The following TRPC7 variants were observed in gnomAD, a reference collection of about 807,000 sequenced individuals.
TRPC7 encodes short transient receptor potential channel 7.
A neutral mutation model predicts 90.1 loss-of-function variants in TRPC7; 42 were observed. The ratio of observed to expected loss-of-function variants is 0.47; its 90% confidence interval spans 0.36 to 0.60. TRPC7 has a LOEUF of 0.60. Among genes scored for constraint, TRPC7 ranks in the 20% least tolerant of loss-of-function variants. The pLI, the probability that TRPC7 is intolerant of heterozygous loss-of-function variation, is 0.00. For missense variants in TRPC7, 955 were observed against 1,112.3 expected, an observed-to-expected ratio of 0.86 and a Z score of 2.01; for synonymous variants, 451 against 436.3, an observed-to-expected ratio of 1.03 and a Z score of -0.42.
intron 11 of TRPC7, chr5:136,214,084 C>T (rs991988206): frequency 9.6e-5 from 15 of 156,160 alleles, no homozygotes; most frequent in Non-Finnish European, 2.1e-4. Flanking sequence ...ACAGCAGATG[C>T]AGCCGTGGTG....
chr5:136,355,741 T>G (rs1760348798), intron 2 of TRPC7, among the ~76,000 whole-genome samples: 1 of 152,128 alleles, frequency 6.6e-6, no homozygotes, highest in Non-Finnish European at 1.5e-5. Flanking sequence ...GAGCTTGCAG[T>G]GAGCCAAGAT....
At chr5:136,315,823 C>G (rs1421265237) in intron 2 of TRPC7, 44 bp from the exon 3 acceptor site, 2 of 1,582,206 alleles carry the variant, frequency 1.3e-6, no homozygotes, top group South Asian at 2.3e-5. Context: ...CATGGAGGCC[C>G]GCAGATTGGC....
intron 2 of TRPC7, among the ~76,000 whole-genome samples, chr5:136,352,898 T>C (rs1431236772): frequency 6.6e-6 from 1 of 152,190 alleles, no homozygotes; most frequent in Non-Finnish European, 1.5e-5. Context: ...ACTATATCCA[T>C]CAAACGCCGC....
intron 2 of TRPC7, among the ~76,000 whole-genome samples, chr5:136,352,556 G>T (rs1015016404): frequency 6.6e-6 from 1 of 152,074 alleles, no homozygotes; most frequent in Admixed American, 6.6e-5. Context: ...TTACCCAACT[G>T]AGGTAGACAA....
intron 1 of TRPC7, 62 bp from the exon 2 acceptor site, chr5:136,357,447 CA>C: frequency 6.7e-7 from 1 of 1,483,646 alleles, no homozygotes; most frequent in Non-Finnish European, 9.0e-7. Flanking sequence ...GTAGAGCACA[CA>C]AAAATGGTTG....
chr5:136,344,942 T>C (rs1193452624), intron 2 of TRPC7, among the ~76,000 whole-genome samples: 1 of 152,198 alleles, frequency 6.6e-6, no homozygotes, highest in East Asian at 1.9e-4. Flanking sequence ...TTTTTCATAA[T>C]TTCCATTAGA....
At position 136,365,532 on chromosome 5, in the gene TRPC7, A is replaced by T. The variant is rs1760697395; in HGVS notation, c.-278T>A. The stretch of plus-strand genomic sequence containing the variant: ...TTCCCAGAGAACATGACGGAGAAGC[A>T]TCTGTGTGAGAGTGGCATGCGGCGT... On this transcript the variant is annotated 5_prime_UTR_variant, in exon 1 of 12. An upstream start codon of the reference 5' UTR is lost. Coordinates refer to ENST00000513104, the MANE Select transcript of TRPC7 (RefSeq NM_020389.3). 1 of 557,188 alleles carries T rather than the reference A, an allele frequency of 1.8e-6. No individual in the cohort carries two copies. Among genetic ancestry groups the T allele is most frequent in the Admixed American group, 3.0e-5 (1 of 33,040 alleles). The allele number at this position is 557,188 out of a possible 1,614,324, so 34.5% of individuals were successfully genotyped here. A position where few individuals can be genotyped will look rare whatever the true frequency, so the allele number is the denominator to read the frequency against.
rs754596685 is a variant in TRPC7, at chr5:136,356,981, C to T, written c.407G>A (p.Arg136His). The stretch of plus-strand genomic sequence containing the variant: ...CTGTTCCAGCGGGCTGAGCGTCAGG[C>T]GCTGGCCCTGCGCGAAGGCCGGGTG... The part of the protein sequence containing the change: ...LNHPAFAQGQ[R>H]LTLSPLEQEL... The change falls in exon 2 of 12, where the codon CGC (arginine) becomes CAC (histidine). Residue 136 changes from arginine to histidine, a missense_variant. Physicochemically the swap from Arg to His is conservative, Grantham distance 29 (BLOSUM62 0). Transcript: ENST00000513104. The T allele has an allele frequency of 1.9e-6, 3 of 1,612,346 alleles. No homozygotes were observed. Among genetic ancestry groups the T allele is most frequent in the Non-Finnish European group, 8.5e-7 (1 of 1,179,692 alleles).
chr5:136,335,157 A>G (rs958311984), intron 2 of TRPC7, among the ~76,000 whole-genome samples: 3 of 152,150 alleles, frequency 2.0e-5, no homozygotes, highest in African/African-American at 7.2e-5. Flanking sequence ...ATTGATCTCC[A>G]CACCTTCAAC....
At chr5:136,267,767 G>T (rs548884312) in intron 4 of TRPC7, among the ~76,000 whole-genome samples, 163 of 152,162 alleles carry the variant, frequency 1.1e-3, no homozygotes, top group African/African-American at 3.8e-3. Flanking sequence ...TAAAAATCTA[G>T]GTTTTAAAAA....
chr5:136,276,028 C>T (rs1561697623), intron 3 of TRPC7, among the ~76,000 whole-genome samples: 1 of 152,172 alleles, frequency 6.6e-6, no homozygotes, highest in Non-Finnish European at 1.5e-5. Flanking sequence ...CTTGATCCAG[C>T]ATATTGGCTT....
rs373882588 is a variant in TRPC7 at position 136,356,723 on chromosome 5, T to C, written c.665A>G (p.Tyr222Cys). The part of the protein sequence containing the change: ...FSHSRSRMNA[Y>C]KGLASAAYLS... ...GTAGGCAGCACTCGCCAGTCCTTTG[T>C]AGGCGTTCATGCGCGAGCGCGAGTG... The change falls in exon 2 of 12, where the codon TAC (tyrosine) becomes TGC (cysteine). Residue 222 changes from tyrosine to cysteine, a missense_variant. Around this residue, in one of 4 missense-constraint regions of TRPC7, gnomAD observed 484 missense variants for 509.6 expected, o/e 0.95. Transcript: ENST00000513104. 1.2e-6 allele frequency: 2 copies of C among 1,612,142 alleles called. No individual in the cohort carries two copies. Among genetic ancestry groups the C allele is most frequent in the East Asian group, 2.2e-5 (1 of 44,812 alleles).
chr5:136,317,774 A>C (rs1759067001), intron 2 of TRPC7, among the ~76,000 whole-genome samples: 1 of 152,194 alleles, frequency 6.6e-6, no homozygotes, highest in African/African-American at 2.4e-5. Flanking sequence ...AGCTGAAGTC[A>C]TGGGTGGGTA....
chr5:136,352,405 A>T (rs1760220562), intron 2 of TRPC7, among the ~76,000 whole-genome samples: 1 of 152,196 alleles, frequency 6.6e-6, no homozygotes, highest in East Asian at 1.9e-4. Flanking sequence ...AATGCCCAGG[A>T]ATTTGACTGG....
chr5:136,233,363 T>G (rs1755877663), intron 7 of TRPC7, among the ~76,000 whole-genome samples: 1 of 152,216 alleles, frequency 6.6e-6, no homozygotes, highest in Admixed American at 6.5e-5. Flanking sequence ...ACTGTTTTCC[T>G]CATGTGAGAT....
At chr5:136,269,652 T>C (rs1310691637) in intron 4 of TRPC7, among the ~76,000 whole-genome samples, 2 of 152,214 alleles carry the variant, frequency 1.3e-5, no homozygotes, top group Non-Finnish European at 2.9e-5. Context: ...AGTTAGAAAC[T>C]GAGTGAAAGT....
intron 3 of TRPC7, among the ~76,000 whole-genome samples, chr5:136,294,551 C>A (rs183771211): frequency 0.67 from 101,393 of 151,592 alleles, 34,894 homozygotes; most frequent in African/African-American, 0.85. Context: ...GCTCATCATC[C>A]CTGGCCATCA....
In TRPC7 at chr5:136,280,124, C is replaced by A. The variant is rs539107007; in HGVS notation, c.964-5287G>T. Among the ~76,000 whole-genome samples, 6 of 152,298 alleles carry A rather than the reference C, an allele frequency of 3.9e-5. No homozygotes were observed. In the East Asian group the frequency reaches 7.7e-4, roughly 20 times the overall value. ...GCAGTGAGCCGAGATTGCACCACTG[C>A]TCTCCAACCTGGGCGATGGATCAAG... On this transcript the variant is annotated intron_variant, in intron 3 of 11. Transcript: ENST00000513104.
At chr5:136,291,315 C>T (rs1304450965) in intron 3 of TRPC7, among the ~76,000 whole-genome samples, 1 of 152,152 alleles carries the variant, frequency 6.6e-6, no homozygotes. Context: ...TGTAAATGGG[C>T]TAAATGCTCC....
Sources: allele counts gnomAD v4.1 joint callset (sites outside exome capture counted in the v4.1 genomes callset), GRCh38; gene constraint gnomAD v4.1.1; regional missense constraint gnomAD v4.1.1; transcripts MANE v1.5; gene names NCBI Gene and HGNC (gene_info 2026-07-23, HGNC 2026-07-21).